The following DAPK1 variants were observed in gnomAD, a reference collection of about 807,000 sequenced individuals.
DAPK1 encodes the protein death associated protein kinase 1, also known as death-associated protein kinase 1.
DAPK1 carries 56 observed loss-of-function variants against 144.9 expected under a neutral mutation model. The observed-to-expected ratio is 0.39, with a 90% confidence interval of 0.31 to 0.48. The LOEUF (loss-of-function observed/expected upper bound fraction) is 0.48, where lower values mean the gene tolerates loss of function less well. DAPK1 is among the 20% of genes least tolerant of loss of function. The pLI is 0.95. For synonymous variants in DAPK1, 690 were observed against 749.0 expected (o/e 0.92, Z 1.29); for missense variants, 1,454 against 1,875.4 (o/e 0.78, Z 4.15).
intron 2 of DAPK1, among the ~76,000 whole-genome samples, chr9:87,545,401 A>G (rs1826207308): frequency 6.6e-6 from 1 of 152,230 alleles, no homozygotes; most frequent in Admixed American, 6.5e-5. Flanking sequence ...TCAGTAGACC[A>G]CAAGCAAGAA....
At chr9:87,690,135 A>T (rs567164618) in intron 21 of DAPK1, among the ~76,000 whole-genome samples, 6 of 152,170 alleles carry the variant, frequency 3.9e-5, no homozygotes, top group Non-Finnish European at 5.9e-5. Context: ...CCAATATATG[A>T]CCACAGCATG....
At chr9:87,627,158 C>A (rs1253590081) in intron 3 of DAPK1, among the ~76,000 whole-genome samples, 1 of 152,122 alleles carries the variant, frequency 6.6e-6, no homozygotes, top group Non-Finnish European at 1.5e-5. Context: ...GGGGAGGCGC[C>A]CACATGGAGA....
At position 87,707,407 on chromosome 9, in the gene DAPK1, G is replaced by C. The variant is rs1064223; in HGVS notation, c.*43G>C. ...GGCAGGGTCTGTTTGGACTGCAGAA[G>C]CAAGGGGGTGATGTAGCCCATCCTT... On this transcript the variant is annotated 3_prime_UTR_variant, in exon 26 of 26. Transcript: ENST00000408954. The surrounding 1 kb of genome is among the most constrained non-coding windows in gnomAD (Gnocchi z 4.0). 7.3e-7 allele frequency: 1 copy of C among 1,372,788 alleles called. No individual in the cohort carries two copies. Among genetic ancestry groups the C allele is most frequent in the Non-Finnish European group, 1.0e-6 (1 of 988,574 alleles). The allele number at this position is 1,372,788 out of a possible 1,614,324, so 85.0% of individuals were successfully genotyped here.
chr9:87,574,610 C>A (rs1371693118), intron 2 of DAPK1, among the ~76,000 whole-genome samples: 1 of 152,136 alleles, frequency 6.6e-6, no homozygotes, highest in Non-Finnish European at 1.5e-5. Flanking sequence ...AAACTGCTGG[C>A]AGTCATCTAA....
At chr9:87,613,282 T>C (rs962927988) in intron 3 of DAPK1, among the ~76,000 whole-genome samples, 1 of 152,264 alleles carries the variant, frequency 6.6e-6, no homozygotes, top group Non-Finnish European at 1.5e-5. Context: ...GTTAATTCTA[T>C]GCATATTGTT....
chr9:87,603,106 T>C (rs1490202784), intron 2 of DAPK1, among the ~76,000 whole-genome samples: 1 of 152,156 alleles, frequency 6.6e-6, no homozygotes, highest in Non-Finnish European at 1.5e-5. Context: ...TGGGCTGGGC[T>C]GGGCCTCCCT....
chr9:87,631,932 A>G, intron 3 of DAPK1: 1 of 351,212 alleles, frequency 2.8e-6, no homozygotes. Context: ...CATGGCAAAA[A>G]CATCTGCCTT....
chr9:87,691,196 TTTTCTATTTC>T (rs1282601724), intron 21 of DAPK1, among the ~76,000 whole-genome samples: 1 of 152,028 alleles, frequency 6.6e-6, no homozygotes, highest in Non-Finnish European at 1.5e-5. Flanking sequence ...TCTGCTCTAG[TTTTCTATTTC>T]TTTCTGATTC....
At chr9:87,593,272 G>A (rs763226525) in intron 2 of DAPK1, among the ~76,000 whole-genome samples, 2 of 152,332 alleles carry the variant, frequency 1.3e-5, no homozygotes, top group East Asian at 1.9e-4. Flanking sequence ...CAAACTCTTC[G>A]TCAGTTCAGA....
At chr9:87,676,537 T>C (rs1471130675) in intron 19 of DAPK1, among the ~76,000 whole-genome samples, 1 of 152,238 alleles carries the variant, frequency 6.6e-6, no homozygotes, top group South Asian at 2.1e-4. Context: ...CAGCTGAGAT[T>C]TTCTTGTGAA....
chr9:87,595,219 TG>T (rs1216732706), intron 2 of DAPK1, among the ~76,000 whole-genome samples: 2 of 152,174 alleles, frequency 1.3e-5, no homozygotes, highest in South Asian at 4.1e-4. Flanking sequence ...CCCCAAACCA[TG>T]TGAAATGCCG....
intron 24 of DAPK1, among the ~76,000 whole-genome samples, chr9:87,701,125 G>GT (rs1825439889): frequency 1.3e-5 from 2 of 152,100 alleles, no homozygotes; most frequent in South Asian, 4.1e-4. Context: ...AGCTTAGAGG[G>GT]TATAGAAGTA....
chr9:87,570,738 T>C (rs1038762946), intron 2 of DAPK1, among the ~76,000 whole-genome samples: 9 of 152,150 alleles, frequency 5.9e-5, no homozygotes, highest in African/African-American at 2.2e-4. Context: ...AAAGATTGAA[T>C]TGCCTGTTCA....
chr9:87,513,964 G>T (rs1473619554), intron 2 of DAPK1, among the ~76,000 whole-genome samples: 1 of 152,154 alleles, frequency 6.6e-6, no homozygotes, highest in African/African-American at 2.4e-5. Flanking sequence ...ATGTTTAGCA[G>T]CATCCATGGA....
intron 18 of DAPK1, among the ~76,000 whole-genome samples, chr9:87,663,144 C>G (rs1468825949): frequency 2.0e-5 from 3 of 152,112 alleles, no homozygotes; most frequent in Non-Finnish European, 2.9e-5. Flanking sequence ...CCTGTCCCCA[C>G]TTTGTCCTTG....
intron 2 of DAPK1, chr9:87,525,439 G>A: frequency 6.2e-7 from 1 of 1,609,510 alleles, no homozygotes; most frequent in African/African-American, 1.3e-5. Context: ...GTTTCCGTCA[G>A]TACGCGAAGG....
intron 16 of DAPK1, among the ~76,000 whole-genome samples, chr9:87,650,729 C>A (rs1021248740): frequency 6.6e-6 from 1 of 152,142 alleles, no homozygotes; most frequent in African/African-American, 2.4e-5. Context: ...TCGGGGGCGA[C>A]TTTGCCCCCA....
chr9:87,634,324 C>T (rs1477409289), intron 3 of DAPK1, among the ~76,000 whole-genome samples: 5 of 152,194 alleles, frequency 3.3e-5, no homozygotes, highest in South Asian at 2.1e-4. Context: ...GCCTCGGCTG[C>T]GCTGGAGGGT....
chr9:87,632,627 T>C (rs1829739598), intron 3 of DAPK1: 2 of 980,876 alleles, frequency 2.0e-6, no homozygotes, highest in Admixed American at 1.2e-4. Context: ...GTGATCAGTA[T>C]ATATGTAGGG....
Sources: gnomAD v4.1 joint callset for allele counts (sites outside exome capture counted in the v4.1 genomes callset) on GRCh38, gnomAD v4.1.1 for gene constraint, Gnocchi (gnomAD v3.1) non-coding constraint, MANE v1.5 for transcripts, NCBI Gene and HGNC (gene_info 2026-07-23, HGNC 2026-07-21) for gene names.